The following WWOX variants were observed in gnomAD, a reference collection of about 807,000 sequenced individuals.
The protein encoded by WWOX is WW domain-containing oxidoreductase.
A neutral mutation model predicts 46.2 loss-of-function variants in WWOX; 69 were observed. The ratio of observed to expected loss-of-function variants is 1.49; its 90% CI spans 1.23 to 1.82. WWOX has a LOEUF of 1.82. WWOX is among the 40% of genes most tolerant of loss of function. The pLI is 0.00. For missense variants in WWOX, 919 were observed against 542.6 expected (o/e 1.69, Z -6.89); for synonymous variants, 359 against 202.6 (o/e 1.77, Z -6.56).
At chr16:78,601,885 C>T (rs770631984) in intron 8 of WWOX, among the ~76,000 whole-genome samples, 15 of 152,092 alleles carry the variant, frequency 9.9e-5, no homozygotes, top group Non-Finnish European at 1.9e-4. Flanking sequence ...TTTTAAGTGC[C>T]GAGCTGGGTT....
chr16:78,151,824 A>G (rs375011132), intron 4 of WWOX, among the ~76,000 whole-genome samples: 8 of 152,320 alleles, frequency 5.3e-5, no homozygotes, highest in Middle Eastern at 3.4e-3. Context: ...GCAGTAATCA[A>G]TGTTGGCACC....
In WWOX at chr16:78,168,795, A is replaced by G. The variant is rs546683440; in HGVS notation, c.516+4506A>G. ...ACTTTTGGGAAGAAGGAGCTATTTA[A>G]TAAAATACAACTTAAGTGAAAACAC... On this transcript the variant is annotated intron_variant, in intron 5 of 8. Coordinates refer to ENST00000566780, the MANE Select transcript of WWOX (RefSeq NM_016373.4). Among the ~76,000 whole-genome samples the G allele has an allele frequency of 1.4e-4, 22 of 152,338 alleles. No individual in the cohort carries two copies. The Middle Eastern group carries it at 0.01, about 71-fold the overall frequency.
intron 8 of WWOX, among the ~76,000 whole-genome samples, chr16:78,716,322 G>C (rs1178456890): frequency 1.3e-5 from 2 of 152,102 alleles, no homozygotes; most frequent in Non-Finnish European, 2.9e-5. Flanking sequence ...TGGAGGGAAT[G>C]TGGCCCTGTT....
intron 5 of WWOX, among the ~76,000 whole-genome samples, chr16:78,368,212 A>G (rs144156188): frequency 1.3e-5 from 2 of 152,308 alleles, no homozygotes; most frequent in Non-Finnish European, 2.9e-5. Context: ...AACAGAGGTT[A>G]TGTTCTCAAA....
In WWOX at chr16:79,148,583, G is replaced by A. The variant is rs562217482; in HGVS notation, c.1057-63025G>A. ...TTCATATAAATTGTACAATATGGTT[G>A]TCTATGTCTACCAGAAGCCTTGCTG... On this transcript the variant is annotated intron_variant, in intron 8 of 8. Transcript: ENST00000566780. Among the ~76,000 whole-genome samples the A allele has an allele frequency of 9.2e-5, 14 of 152,226 alleles. 1 individual carries two copies. The highest frequency in any genetic ancestry group is 1.8e-4 in the Non-Finnish European group (12 of 67,990).
intron 5 of WWOX, among the ~76,000 whole-genome samples, chr16:78,369,968 A>G (rs1439588275): frequency 6.6e-6 from 1 of 151,812 alleles, no homozygotes; most frequent in Non-Finnish European, 1.5e-5. Context: ...CCCCATCTCT[A>G]CTAAAACTAC....
At position 78,950,065 on chromosome 16, in the gene WWOX, G is replaced by C. The variant is rs572201189; in HGVS notation, c.1057-261543G>C. Reference sequence around the variant, plus strand: ...TAGGTCTAGTCTGCCATTTGAATTTGGGCGATGATACCAGAGACCAAGTTC... The same window carrying C: ...TAGGTCTAGTCTGCCATTTGAATTTCGGCGATGATACCAGAGACCAAGTTC... On this transcript the variant is annotated intron_variant, in intron 8 of 8. Coordinates refer to ENST00000566780, the MANE Select transcript of WWOX (RefSeq NM_016373.4). Among the ~76,000 whole-genome samples, 4 of 152,278 alleles carry C rather than the reference G, an allele frequency of 2.6e-5. No individual in the cohort carries two copies. In the East Asian group the frequency reaches 5.8e-4, roughly 22 times the overall value.
chr16:78,996,135 A>C (rs1403431902), intron 8 of WWOX: 3 of 914,380 alleles, frequency 3.3e-6, no homozygotes, highest in Admixed American at 6.5e-5. Context: ...TCAGGCGTAG[A>C]ATGTTCTTTT....
At chr16:78,884,112 C>T (rs560749747) in intron 8 of WWOX, among the ~76,000 whole-genome samples, 1 of 151,640 alleles carries the variant, frequency 6.6e-6, no homozygotes, top group African/African-American at 2.4e-5. Context: ...AACCCTGTCT[C>T]TACAAAAATA....
At chr16:78,544,649 G>A (rs1239206763) in intron 8 of WWOX, among the ~76,000 whole-genome samples, 3 of 152,178 alleles carry the variant, frequency 2.0e-5, no homozygotes, top group Non-Finnish European at 4.4e-5. Flanking sequence ...ACTTTGAGAG[G>A]ATAACTTGAG....
intron 8 of WWOX, among the ~76,000 whole-genome samples, chr16:79,012,274 C>A (rs78454671): frequency 6.6e-6 from 1 of 152,102 alleles, no homozygotes; most frequent in Admixed American, 6.5e-5. Context: ...GCTCTGTCAC[C>A]TAGGCTAGAG....
chr16:78,602,155 C>G (rs188432926), intron 8 of WWOX, among the ~76,000 whole-genome samples: 6 of 152,192 alleles, frequency 3.9e-5, no homozygotes, highest in Non-Finnish European at 7.3e-5. Flanking sequence ...TTAGTCAGAG[C>G]ATAGAGGACT....
chr16:79,195,603 A>C (rs1192615627), intron 8 of WWOX, among the ~76,000 whole-genome samples: 1 of 152,210 alleles, frequency 6.6e-6, no homozygotes, highest in Non-Finnish European at 1.5e-5. Flanking sequence ...CTCTAACTTC[A>C]GGGTATATTC....
intron 8 of WWOX, among the ~76,000 whole-genome samples, chr16:78,954,936 C>T (rs552589222): frequency 7.2e-5 from 11 of 152,058 alleles, no homozygotes; most frequent in Admixed American, 3.3e-4. Flanking sequence ...ACCACAGGCA[C>T]GGGACACCAT....
At chr16:78,852,190 G>A (rs1266471723) in intron 8 of WWOX, among the ~76,000 whole-genome samples, 1 of 152,174 alleles carries the variant, frequency 6.6e-6, no homozygotes, top group Non-Finnish European at 1.5e-5. Flanking sequence ...ATGAGCTTCT[G>A]TGGTAGCCAG....
At chr16:78,761,449 A>T (rs573255990) in intron 8 of WWOX, among the ~76,000 whole-genome samples, 1 of 152,206 alleles carries the variant, frequency 6.6e-6, no homozygotes, top group Non-Finnish European at 1.5e-5. Flanking sequence ...CATCAAACTC[A>T]CCATTGTCAC....
chr16:78,301,870 T>A (rs959818892), intron 5 of WWOX, among the ~76,000 whole-genome samples: 21 of 152,144 alleles, frequency 1.4e-4, no homozygotes, highest in African/African-American at 4.6e-4. Flanking sequence ...GGCAGGAATT[T>A]AACATATCTT....
At chr16:78,124,033 C>T (rs2033248050) in intron 4 of WWOX, 1 of 151,926 alleles carries the variant, frequency 6.6e-6, no homozygotes, top group Non-Finnish European at 1.5e-5. Context: ...TTGAGGCAGC[C>T]CATTAATCGC....
chr16:78,205,090 A>C (rs1161807598), intron 5 of WWOX, among the ~76,000 whole-genome samples: 1 of 152,184 alleles, frequency 6.6e-6, no homozygotes, highest in Non-Finnish European at 1.5e-5. Flanking sequence ...TAGAAGCTCA[A>C]ATCCAGGAGG....
Sources: allele counts gnomAD v4.1 joint callset (sites outside exome capture counted in the v4.1 genomes callset), GRCh38; gene constraint gnomAD v4.1.1; transcripts MANE v1.5; gene names NCBI Gene and HGNC (gene_info 2026-07-23, HGNC 2026-07-21).